Variants in MADD observed in about 807,000 individuals in gnomAD.
MADD encodes the protein MAP kinase activating death domain.
MADD carries 109 observed loss-of-function variants against 176.7 expected under a neutral mutation model. The ratio of observed to expected loss-of-function variants is 0.62; its 90% CI spans 0.53 to 0.72. The LOEUF is 0.72. MADD is among the 30% of genes least tolerant of loss of function. The probability of loss-of-function intolerance (pLI) is 0.00; values close to 1 mark genes in which losing one functional copy is unlikely to be tolerated. For missense variants in MADD, 1,914 were observed against 2,045.5 expected, an observed-to-expected ratio of 0.94 and a Z score of 1.24; for synonymous variants, 771 against 771.3, an observed-to-expected ratio of 1.00 and a Z score of 0.01.
Position 47,309,435 on chromosome 11 carries a change from A to G in MADD, c.3872+34A>G. On this transcript the variant is annotated intron_variant, in intron 24 of 32. Coordinates refer to ENST00000402192, the Ensembl canonical transcript of MADD. ...CTTAGGAAACCATTGGGAATCAGCA[A>G]ACTCAGCCTCCTCCCAGTTAGTTCT... The G allele has an allele frequency of 3.1e-6, 5 of 1,614,086 alleles. No individual in the cohort carries two copies. The South Asian group carries it at 3.3e-5, about 11-fold the overall frequency.
At chr11:47,288,584 A>T (rs1325698418) in intron 15 of MADD, among the ~76,000 whole-genome samples, 5 of 152,102 alleles carry the variant, frequency 3.3e-5, no homozygotes, top group Non-Finnish European at 7.4e-5. Context: ...CCATCCTCAT[A>T]CCCTGACCCC....
exon 20 of MADD, chr11:47,293,958 G>T: frequency 1.9e-6 from 3 of 1,614,176 alleles, no homozygotes; most frequent in Non-Finnish European, 2.5e-6. Context: ...GCAGACAGTG[G>T]TGTGAGCCTG....
At chr11:47,324,889 G>C in intron 30 of MADD, 2 of 606,192 alleles carry the variant, frequency 3.3e-6, no homozygotes, top group Non-Finnish European at 5.9e-6. Flanking sequence ...CCCTTCCCCT[G>C]CAGTGTCTCT....
At chr11:47,283,023 G>C (rs1336994104) in intron 10 of MADD, 54 bp downstream of exon 10, 2 of 1,571,222 alleles carry the variant, frequency 1.3e-6, no homozygotes, top group African/African-American at 2.7e-5. Flanking sequence ...GCTCTCACTA[G>C]CCCTTCTTTA....
chr11:47,327,979 C>T lies in MADD; in HGVS notation c.4613-679C>T, dbSNP rs987989105. ...GGACATGTGTGTATTTTGCCTGATG[C>T]TCCCTGTCACCTCCCTCCCTGGGTG... On this transcript the variant is annotated intron_variant, in intron 31 of 32. Transcript: ENST00000402192. 6.1e-6 allele frequency: 6 copies of T among 985,324 alleles called. No individual in the cohort carries two copies. In the South Asian group the frequency reaches 2.3e-4, roughly 39 times the overall value. 61.0% of individuals were successfully genotyped at this position (985,324 alleles called of 1,614,324 possible). A position where few individuals can be genotyped will look rare whatever the true frequency, so the allele number is the denominator to read the frequency against.
chr11:47,289,549 C>T, intron 16 of MADD, 56 bp downstream of exon 17: 2 of 1,446,484 alleles, frequency 1.4e-6, no homozygotes, highest in Non-Finnish European at 9.7e-7. Context: ...GGTGGTTCCT[C>T]TACAGAACTT....
chr11:47,313,742 T>C (rs969288981), intron 26 of MADD, among the ~76,000 whole-genome samples: 23 of 152,072 alleles, frequency 1.5e-4, no homozygotes, highest in Admixed American at 5.2e-4. Context: ...CTGGGGAACA[T>C]AGACCCCATT....
chr11:47,329,728 C>G (rs1419152098), exon 33 of MADD: 1 of 155,494 alleles, frequency 6.4e-6, no homozygotes, highest in Non-Finnish European at 1.4e-5. Flanking sequence ...GCCACAGCCT[C>G]TGTGACTGCA....
intron 31 of MADD, chr11:47,327,870 T>C (rs2095624978): frequency 1.0e-6 from 1 of 985,354 alleles, no homozygotes; most frequent in Non-Finnish European, 1.2e-6. Flanking sequence ...TGGCTGAGCC[T>C]GGGGGGCCTA....
At chr11:47,282,692 A>G (rs1178816529) in intron 9 of MADD, 76 bp downstream of exon 9, 26 of 1,589,934 alleles carry the variant, frequency 1.6e-5, no homozygotes, top group African/African-American at 1.3e-5. Flanking sequence ...TTCCTTTGCT[A>G]ATGTTTGACC....
intron 1 of MADD, among the ~76,000 whole-genome samples, chr11:47,272,963 G>A (rs573734378): frequency 6.6e-6 from 1 of 152,206 alleles, no homozygotes; most frequent in South Asian, 2.1e-4. Context: ...GGAGAAAAGT[G>A]GTGCAGATTA....
intron 22 of MADD, among the ~76,000 whole-genome samples, chr11:47,301,495 C>T (rs1038577968): frequency 6.6e-6 from 1 of 152,142 alleles, no homozygotes; most frequent in Non-Finnish European, 1.5e-5. Context: ...TTTGTTCTTG[C>T]TTTCACAATT....
In MADD at chr11:47,273,979, A is replaced by G; in HGVS notation, c.62+3A>G. On this transcript the variant is annotated splice_donor_region_variant and intron_variant, in intron 2 of 32. Coordinates refer to ENST00000402192, the Ensembl canonical transcript of MADD. ...TATCTAGTGATCGTAGGGGCCAGGT[A>G]ACCAAGAAGAGATTGACTTTTGTCT... is the stretch of plus-strand genomic sequence containing the variant. The G allele has an allele frequency of 6.2e-7, 1 of 1,613,756 alleles. No individual in the cohort carries two copies. The highest frequency in any genetic ancestry group is 8.5e-7 in the Non-Finnish European group (1 of 1,179,728).
intron 25 of MADD, among the ~76,000 whole-genome samples, chr11:47,309,930 C>G (rs1340789660): frequency 6.6e-6 from 1 of 151,700 alleles, no homozygotes; most frequent in Non-Finnish European, 1.5e-5. Context: ...CAACCTCTGC[C>G]TCCCCAGTTC....
At chr11:47,295,667 C>G (rs2139276997) in intron 21 of MADD, 88 bp downstream of exon 23, 1 of 1,592,868 alleles carries the variant, frequency 6.3e-7, no homozygotes, top group Non-Finnish European at 8.6e-7. Flanking sequence ...GGAGGCTGCT[C>G]TGAGTCTCAG....
chr11:47,285,367 A>T (rs1592408853), intron 13 of MADD, 84 bp from the exon 14 acceptor site: 1 of 1,579,354 alleles, frequency 6.3e-7, no homozygotes, highest in East Asian at 2.2e-5. Context: ...GGGAGTGGCA[A>T]CTGTAGTATA....
At chr11:47,320,443 A>G (rs2094250729) in intron 27 of MADD, among the ~76,000 whole-genome samples, 1 of 151,824 alleles carries the variant, frequency 6.6e-6, no homozygotes, top group Non-Finnish European at 1.5e-5. Context: ...CGACAGAGCA[A>G]GACTCCGTCT....
intron 26 of MADD, among the ~76,000 whole-genome samples, chr11:47,312,242 T>C (rs2089990822): frequency 6.6e-6 from 1 of 151,940 alleles, no homozygotes; most frequent in African/African-American, 2.4e-5. Flanking sequence ...CAGTTTTTCG[T>C]TTTTGTTTTG....
rs375520658 is a variant in MADD at position 47,274,984 on chromosome 11, C to T, written c.484C>T (p.Arg162Trp). The change falls in exon 3 of 33, where the codon CGG (arginine) becomes TGG (tryptophan). Residue 162 changes from arginine to tryptophan, a missense_variant. By Grantham distance (101) the Arg-to-Trp change is moderately radical. Transcript: ENST00000402192. The stretch of plus-strand genomic sequence containing the variant: ...GAACCAGTCTCCTCGGGGCAAACGC[C>T]GGGCCAAGGCGGGGAGCCGCTCCCG... 4.3e-6 allele frequency: 7 copies of T among 1,614,012 alleles called. No homozygotes were observed. Among genetic ancestry groups the T allele is most frequent in the African/African-American group, 4.0e-5 (3 of 74,930 alleles).
Sources: allele counts gnomAD v4.1 joint callset (sites outside exome capture counted in the v4.1 genomes callset), GRCh38; gene constraint gnomAD v4.1.1; transcripts MANE v1.5; gene names NCBI Gene and HGNC (gene_info 2026-07-23, HGNC 2026-07-21).